SAR1B: variants seen among roughly 807,000 people sequenced by gnomAD.
SAR1B encodes small COPII coat GTPase SAR1B.
In SAR1B, 23 loss-of-function variants were observed where a neutral mutation model predicts 26.8. That is an observed-to-expected ratio of 0.86 (90% CI 0.62 to 1.22). The LOEUF is 1.22. Among genes scored for constraint, SAR1B ranks in the 50% most tolerant of loss-of-function variants. The pLI is 0.00. For missense variants in SAR1B, 196 were observed against 232.8 expected, an observed-to-expected ratio of 0.84 and a Z score of 1.03; for synonymous variants, 65 against 80.8, an observed-to-expected ratio of 0.80 and a Z score of 1.05.
intron 1 of SAR1B, chr5:134,632,348 A>G (rs1765622230): frequency 6.6e-6 from 1 of 152,206 alleles, no homozygotes; most frequent in Admixed American, 6.6e-5. Flanking sequence ...CTCTACACTA[A>G]TTGGGAGCGC....
In SAR1B at chr5:134,606,981, C is replaced by T; in HGVS notation, c.566G>A (p.Gly189Asp). Residue 189 changes from glycine to aspartate, a missense_variant, in exon 7 of 7, where the codon GGC becomes GAC. Gly to Asp is a moderately conservative substitution (Grantham distance 94). Transcript: ENST00000402673. ...AATGTACTGTGCCATCCAGCGGAAG[C>T]CTTCTCCGTAACCTTGTCTTTTGAG... ...SVLKRQGYGE[G>D]FRWMAQYID 6.2e-7 allele frequency: 1 copy of T among 1,613,944 alleles called. No homozygotes were observed. Among genetic ancestry groups the T allele is most frequent in the Non-Finnish European group, 8.5e-7 (1 of 1,179,824 alleles).
chr5:134,608,825 C>T (rs1339948766), intron 5 of SAR1B, among the ~76,000 whole-genome samples: 1 of 152,138 alleles, frequency 6.6e-6, no homozygotes. Flanking sequence ...TGACTTTGGG[C>T]AAGTTAGCCT....
intron 3 of SAR1B, 184 bp from the exon 4 acceptor site, chr5:134,612,940 T>A: frequency 1.7e-6 from 1 of 595,196 alleles, no homozygotes; most frequent in Non-Finnish European, 3.0e-6. Context: ...CTGCCAGCCG[T>A]AATAAAGAAA....
rs34365859 is a variant in SAR1B, at chr5:134,612,641, TAAAAAAAAAAAAAAAAAAA to T, written c.244+31_244+49del. The T allele has an allele frequency of 4.4e-3, 3,340 of 767,406 alleles. 41 individuals carry two copies. In the African/African-American group the frequency reaches 0.068, roughly 16 times the overall value. 47.5% of individuals were successfully genotyped at this position (767,406 alleles called of 1,614,324 possible). On this transcript the variant is annotated intron_variant, in intron 4 of 6. Coordinates refer to ENST00000402673, the MANE Select transcript of SAR1B (RefSeq NM_016103.4). ...GCCTGGGAGACAGAGTGAGCCTGTC[TAAAAAAAAAAAAAAAAAAA>T]AAAAAAAAAAAAAAAAAAAAAGAAT... is the stretch of plus-strand genomic sequence containing the variant.
At chr5:134,613,992 C>T (rs1202443499) in intron 3 of SAR1B, 2 of 152,054 alleles carry the variant, frequency 1.3e-5, no homozygotes, top group African/African-American at 2.4e-5. Context: ...ATCTAATTTA[C>T]TATTAATCCT....
At chr5:134,615,680 G>A (rs1182240547) in intron 3 of SAR1B, among the ~76,000 whole-genome samples, 1 of 150,808 alleles carries the variant, frequency 6.6e-6, no homozygotes, top group South Asian at 2.1e-4. Flanking sequence ...AGCTGGGCGT[G>A]GTGGCAGGCG....
chr5:134,612,676 A>AAAAAAAAAAAAT lies in SAR1B; in HGVS notation c.244+14_244+15insATTTTTTTTTTT. 2 of 1,088,990 alleles carry AAAAAAAAAAAAT rather than the reference A, an allele frequency of 1.8e-6. No homozygotes were observed. Among genetic ancestry groups the AAAAAAAAAAAAT allele is most frequent in the Non-Finnish European group, 2.5e-6 (2 of 789,132 alleles). The allele number at this position is 1,088,990 out of a possible 1,614,324, so 67.5% of individuals were successfully genotyped here. A position where few individuals can be genotyped will look rare whatever the true frequency, so the allele number is the denominator to read the frequency against. ...AAAAAAAAAAAAAAAAAAAAAAAAA[A>AAAAAAAAAAAAT]AAAAAGAATCTTACCTTGAACATGT... On this transcript the variant is annotated intron_variant, in intron 4 of 6. Transcript: ENST00000402673.
At chr5:134,630,164 G>A (rs1765576081) in intron 1 of SAR1B, among the ~76,000 whole-genome samples, 1 of 151,956 alleles carries the variant, frequency 6.6e-6, no homozygotes, top group South Asian at 2.1e-4. Context: ...TTAACGAAAT[G>A]AGTGTAGAAG....
chr5:134,621,411 G>A (rs547364764), intron 2 of SAR1B, among the ~76,000 whole-genome samples: 18 of 152,156 alleles, frequency 1.2e-4, no homozygotes, highest in Admixed American at 6.6e-4. Flanking sequence ...CAGAAGTTGC[G>A]GTGGTGAGCT....
chr5:134,607,929 GAAA>G (rs1580645636), intron 6 of SAR1B, among the ~76,000 whole-genome samples: 1 of 151,996 alleles, frequency 6.6e-6, no homozygotes, highest in East Asian at 1.9e-4. Flanking sequence ...TAAATCCTAG[GAAA>G]AGTGAATACC....
At chr5:134,609,793 T>C (rs1765184348) in intron 4 of SAR1B, 119 bp from the exon 5 acceptor site, 3 of 760,604 alleles carry the variant, frequency 3.9e-6, no homozygotes, top group Admixed American at 4.0e-5. Context: ...TACTTCACAA[T>C]ATATTCAAGT....
Position 134,612,681 on chromosome 5 carries a change from A to AAAAATT in SAR1B, c.244+9_244+10insAATTTT. The stretch of plus-strand genomic sequence containing the variant: ...AAAAAAAAAAAAAAAAAAAAAAAAA[A>AAAAATT]GAATCTTACCTTGAACATGTCCACC... On this transcript the variant is annotated intron_variant, in intron 4 of 6. Coordinates refer to ENST00000402673, the MANE Select transcript of SAR1B (RefSeq NM_016103.4). 8.9e-7 allele frequency: 1 copy of AAAAATT among 1,124,732 alleles called. No individual in the cohort carries two copies. Among genetic ancestry groups the AAAAATT allele is most frequent in the Non-Finnish European group, 1.2e-6 (1 of 836,280 alleles). 69.7% of individuals were successfully genotyped at this position (1,124,732 alleles called of 1,614,324 possible). A position where few individuals can be genotyped will look rare whatever the true frequency, so the allele number is the denominator to read the frequency against.
chr5:134,631,009 C>A (rs1307807094), intron 1 of SAR1B, among the ~76,000 whole-genome samples: 1 of 149,848 alleles, frequency 6.7e-6, no homozygotes, highest in Non-Finnish European at 1.5e-5. Flanking sequence ...GCAAACCCCC[C>A]ATCTCAGCAG....
chr5:134,620,580 G>C (rs561168419), intron 3 of SAR1B, among the ~76,000 whole-genome samples: 16 of 152,224 alleles, frequency 1.1e-4, no homozygotes, highest in African/African-American at 3.1e-4. Context: ...AAAAAACTTG[G>C]CCAGGTGCAG....
intron 1 of SAR1B, among the ~76,000 whole-genome samples, chr5:134,624,532 G>C (rs962147870): frequency 3.3e-5 from 5 of 152,008 alleles, no homozygotes; most frequent in African/African-American, 1.2e-4. Context: ...TAATAGGTGA[G>C]GCAGTGAGGA....
At chr5:134,622,492 C>A (rs1167500378) in intron 2 of SAR1B, among the ~76,000 whole-genome samples, 2 of 149,408 alleles carry the variant, frequency 1.3e-5, no homozygotes, top group Admixed American at 6.8e-5. Flanking sequence ...CTCACTACAA[C>A]CTCCGCCTCC....
rs1357391994 is a variant in SAR1B, at chr5:134,602,275, AAATAT to A, written c.*4670_*4674del. 3 of 152,180 alleles carry A rather than the reference AAATAT, an allele frequency of 2.0e-5. No individual in the cohort carries two copies. Among genetic ancestry groups the A allele is most frequent in the African/African-American group, 7.2e-5 (3 of 41,436 alleles). 9.4% of individuals were successfully genotyped at this position (152,180 alleles called of 1,614,324 possible). On this transcript the variant is annotated 3_prime_UTR_variant, in exon 7 of 7. Coordinates refer to ENST00000402673, the MANE Select transcript of SAR1B (RefSeq NM_016103.4). ...GCCGTGAACAACAATTAGTGCCATT[AAATAT>A]ATTAGCTATTTAATGCTCTAAATTA...
chr5:134,610,650 A>G lies in SAR1B; in HGVS notation c.245-976T>C, dbSNP rs180704477. ...CTACTTGGGAGGCTGAGGTGGGAGG[A>G]TGGAGCCCAGGAGGCAGAGGCTGCA... On this transcript the variant is annotated intron_variant, in intron 4 of 6. Coordinates refer to ENST00000402673, the MANE Select transcript of SAR1B (RefSeq NM_016103.4). Among the ~76,000 whole-genome samples the G allele has an allele frequency of 9.0e-3, 1,329 of 147,302 alleles. 5 individuals are homozygous for G. The highest frequency in any genetic ancestry group is 0.021 in the Middle Eastern group (6 of 282).
chr5:134,609,862 C>T (rs1279409007), intron 4 of SAR1B, among the ~76,000 whole-genome samples, 188 bp from the exon 5 acceptor site: 1 of 151,796 alleles, frequency 6.6e-6, no homozygotes, highest in Non-Finnish European at 1.5e-5. Context: ...GAATTTCAGG[C>T]TTTCCTTGAC....
Sources: gnomAD v4.1 joint callset for allele counts (sites outside exome capture counted in the v4.1 genomes callset) on GRCh38, gnomAD v4.1.1 for gene constraint, MANE v1.5 for transcripts, NCBI Gene and HGNC (gene_info 2026-07-23, HGNC 2026-07-21) for gene names.